CSMD1: variants seen among roughly 807,000 people sequenced by gnomAD.
CSMD1 encodes CUB and Sushi multiple domains 1, also known as CUB and sushi domain-containing protein 1.
A neutral mutation model predicts 417.5 loss-of-function variants in CSMD1; 213 were observed. The ratio of observed to expected loss-of-function variants is 0.51; its 90% CI spans 0.46 to 0.57. The LOEUF is 0.57. Among genes scored for constraint, CSMD1 ranks in the 20% least tolerant of loss-of-function variants. CSMD1 has a pLI of 0.00. For missense variants in CSMD1, 6,923 were observed against 4,529.7 expected (o/e 1.53, Z -15.17); for synonymous variants, 2,862 against 1,736.8 (o/e 1.65, Z -16.11).
At chr8:4,081,076 G>C (rs1800105076) in intron 3 of CSMD1, among the ~76,000 whole-genome samples, 1 of 152,130 alleles carries the variant, frequency 6.6e-6, no homozygotes, top group Non-Finnish European at 1.5e-5. Flanking sequence ...CAGTAAGAAT[G>C]CAACACTTTG....
intron 3 of CSMD1, among the ~76,000 whole-genome samples, chr8:4,354,844 G>A (rs1465533875): frequency 6.8e-6 from 1 of 146,120 alleles, no homozygotes; most frequent in Non-Finnish European, 1.5e-5. Flanking sequence ...TCACTAGAGG[G>A]CAGGTAAATG....
intron 26 of CSMD1, among the ~76,000 whole-genome samples, chr8:3,239,907 A>G (rs1799388669): frequency 6.6e-6 from 1 of 151,980 alleles, no homozygotes; most frequent in African/African-American, 2.4e-5. Flanking sequence ...CCGGGCCAGG[A>G]ACAATGGTAA....
chr8:3,715,005 A>G (rs1185901802), intron 6 of CSMD1, among the ~76,000 whole-genome samples: 2 of 152,174 alleles, frequency 1.3e-5, no homozygotes, highest in Admixed American at 6.5e-5. Flanking sequence ...AGAATTTAGA[A>G]TTGCTTTCAA....
rs575672652 is a variant in CSMD1 at position 3,256,843 on chromosome 8, C to T, written c.4154-26612G>A. Among the ~76,000 whole-genome samples, 8 of 152,204 alleles carry T rather than the reference C, an allele frequency of 5.3e-5. No homozygotes were observed. The South Asian group carries it at 1.7e-3, about 32-fold the overall frequency. ...CACAGGATTCTTATTTTAATTTTTCCTTTCCAAGGTAGTTATGTTAGGAGG... is the reference window on the plus strand; with the variant it reads ...CACAGGATTCTTATTTTAATTTTTCTTTTCCAAGGTAGTTATGTTAGGAGG... On this transcript the variant is annotated intron_variant, in intron 26 of 69. Transcript: ENST00000635120.
intron 2 of CSMD1, among the ~76,000 whole-genome samples, chr8:4,622,558 T>C (rs1801844758): frequency 6.6e-6 from 1 of 152,126 alleles, no homozygotes; most frequent in African/African-American, 2.4e-5. Flanking sequence ...AAGCTTAACA[T>C]AGTGGCAGCT....
intron 21 of CSMD1, among the ~76,000 whole-genome samples, chr8:3,354,888 T>TCTATATCTATA (rs1491403926): frequency 0.14 from 21,086 of 146,378 alleles, 2,267 homozygotes; most frequent in East Asian, 0.31. Flanking sequence ...TCTATAGATA[T>TCTATATCTATA]GTCTATCTAT....
chr8:4,002,295 AGTACTTCTCTAACAAAACTTT>A (rs2130371352), intron 4 of CSMD1, among the ~76,000 whole-genome samples: 1 of 152,196 alleles, frequency 6.6e-6, no homozygotes, highest in South Asian at 2.1e-4. Flanking sequence ...TAGTGCTGTA[AGTACTTCTCTAACAAAACTTT>A]TTAACTCTTA....
intron 1 of CSMD1, among the ~76,000 whole-genome samples, chr8:4,853,337 C>CTG (rs1356963369): frequency 6.6e-6 from 1 of 152,170 alleles, no homozygotes; most frequent in African/African-American, 2.4e-5. Context: ...TGCAAGGTGG[C>CTG]TGTTCCCTGC....
intron 54 of CSMD1, among the ~76,000 whole-genome samples, chr8:2,988,418 C>G (rs1024304351): frequency 2.0e-5 from 3 of 152,174 alleles, no homozygotes; most frequent in Admixed American, 1.3e-4. Context: ...AGCAGGGAAA[C>G]AGTATGTGAA....
At chr8:3,725,942 C>T (rs530635526) in intron 6 of CSMD1, among the ~76,000 whole-genome samples, 1 of 152,272 alleles carries the variant, frequency 6.6e-6, no homozygotes, top group East Asian at 1.9e-4. Flanking sequence ...CCTAATGACT[C>T]GCAAGCAATG....
intron 41 of CSMD1, among the ~76,000 whole-genome samples, chr8:3,131,334 A>T (rs928782341): frequency 1.3e-5 from 2 of 151,962 alleles, no homozygotes; most frequent in African/African-American, 2.4e-5. Flanking sequence ...CCTAAAACTT[A>T]AAGTATAATA....
At chr8:3,811,044 TGA>T (rs1475039317) in intron 5 of CSMD1, among the ~76,000 whole-genome samples, 1 of 152,232 alleles carries the variant, frequency 6.6e-6, no homozygotes, top group African/African-American at 2.4e-5. Flanking sequence ...TGGCAGGGGA[TGA>T]ATCTTGAATT....
At chr8:4,128,030 T>A (rs765903673) in intron 3 of CSMD1, among the ~76,000 whole-genome samples, 5 of 152,160 alleles carry the variant, frequency 3.3e-5, no homozygotes, top group African/African-American at 4.8e-5. Flanking sequence ...CATTTTATAT[T>A]CTTCAGGTGA....
intron 3 of CSMD1, among the ~76,000 whole-genome samples, chr8:4,033,237 G>A (rs1018671128): frequency 9.3e-5 from 14 of 150,174 alleles, no homozygotes; most frequent in African/African-American, 2.9e-4. Flanking sequence ...TCAAGAGATC[G>A]AGACCATCCT....
intron 3 of CSMD1, among the ~76,000 whole-genome samples, chr8:4,179,114 C>T (rs112959333): frequency 5.4e-4 from 82 of 152,224 alleles, no homozygotes; most frequent in East Asian, 3.5e-3. Context: ...GAGCCCGCAT[C>T]GCCAAGTCAA....
chr8:3,649,944 A>G (rs1203085932), intron 7 of CSMD1, among the ~76,000 whole-genome samples: 1 of 123,744 alleles, frequency 8.1e-6, no homozygotes, highest in Non-Finnish European at 1.9e-5. Context: ...ACATATTCTT[A>G]TTTTTAAAAA....
At chr8:3,955,818 G>C (rs1484331244) in intron 5 of CSMD1, among the ~76,000 whole-genome samples, 1 of 152,174 alleles carries the variant, frequency 6.6e-6, no homozygotes, top group Non-Finnish European at 1.5e-5. Flanking sequence ...TTGATTAACT[G>C]AGGGGTTCAC....
chr8:3,827,989 A>C (rs551801111), intron 5 of CSMD1, among the ~76,000 whole-genome samples: 1 of 152,292 alleles, frequency 6.6e-6, no homozygotes, highest in Admixed American at 6.5e-5. Flanking sequence ...ACATAAACAG[A>C]AACAACCTCA....
chr8:4,446,455 G>A (rs918444846), intron 2 of CSMD1, among the ~76,000 whole-genome samples: 1 of 152,042 alleles, frequency 6.6e-6, no homozygotes, highest in Non-Finnish European at 1.5e-5. Flanking sequence ...GGCTGAGGTG[G>A]GACGATCACC....
Sources: allele counts gnomAD v4.1 joint callset (sites outside exome capture counted in the v4.1 genomes callset), GRCh38; gene constraint gnomAD v4.1.1; transcripts MANE v1.5; gene names NCBI Gene and HGNC (gene_info 2026-07-23, HGNC 2026-07-21).